PCNX2: variants seen among roughly 807,000 people sequenced by gnomAD.
The protein encoded by PCNX2 is pecanex 2.
A neutral mutation model predicts 223.8 loss-of-function variants in PCNX2; 168 were observed. The ratio of observed to expected loss-of-function variants is 0.75; its 90% CI spans 0.66 to 0.85. The LOEUF (loss-of-function observed/expected upper bound fraction) is 0.85, where lower values mean the gene tolerates loss of function less well. PCNX2 is among the 40% of genes least tolerant of loss of function. The probability of loss-of-function intolerance (pLI) is 0.00; values close to 1 mark genes in which losing one functional copy is unlikely to be tolerated. For synonymous variants in PCNX2, 1,006 were observed against 1,052.6 expected (o/e 0.96, Z 0.86); for missense variants, 2,507 against 2,675.5 (o/e 0.94, Z 1.39).
chr1:233,150,946 A>G (rs905168858), intron 19 of PCNX2, among the ~76,000 whole-genome samples: 3 of 152,198 alleles, frequency 2.0e-5, no homozygotes, highest in African/African-American at 7.2e-5. Context: ...CACATGAAAA[A>G]GGTTAGATCA....
intron 12 of PCNX2, among the ~76,000 whole-genome samples, chr1:233,214,673 T>C (rs1682016771): frequency 6.6e-6 from 1 of 152,204 alleles, no homozygotes; most frequent in Admixed American, 6.5e-5. Flanking sequence ...AGCAAATTAA[T>C]ATCTTCATTC....
intron 1 of PCNX2, among the ~76,000 whole-genome samples, chr1:233,284,203 A>G (rs1661331905): frequency 6.6e-6 from 1 of 152,224 alleles, no homozygotes; most frequent in South Asian, 2.1e-4. Context: ...TATATTAGAC[A>G]ATACCATCAT....
At chr1:233,088,262 C>T (rs541283129) in intron 23 of PCNX2, among the ~76,000 whole-genome samples, 2 of 152,254 alleles carry the variant, frequency 1.3e-5, no homozygotes, top group South Asian at 4.1e-4. Context: ...TTGAATCTTC[C>T]CATGCCAGAA....
intron 17 of PCNX2, chr1:233,168,011 G>T (rs1358642963): frequency 1.0e-5 from 2 of 193,332 alleles, no homozygotes; most frequent in Non-Finnish European, 1.9e-5. Context: ...CTGTGACTCT[G>T]TTAAATTACT....
intron 10 of PCNX2, among the ~76,000 whole-genome samples, chr1:233,226,738 C>G (rs1572110890): frequency 6.6e-6 from 1 of 152,162 alleles, no homozygotes; most frequent in Non-Finnish European, 1.5e-5. Context: ...ACATCAGATA[C>G]AAGTGAGCAA....
chr1:233,321,013 C>T, the PCNX2 span, among the ~76,000 whole-genome samples: 14 of 70,350 alleles, frequency 2.0e-4, no homozygotes, highest in Admixed American at 6.4e-4. Context: ...AAAATGTCTT[C>T]TTTTTTTTTT....
chr1:233,031,065 G>A (rs1010821445), intron 25 of PCNX2, among the ~76,000 whole-genome samples: 1 of 152,210 alleles, frequency 6.6e-6, no homozygotes, highest in African/African-American at 2.4e-5. Flanking sequence ...GGCAGAAAGT[G>A]GAGGCAGTAA....
intron 25 of PCNX2, chr1:233,033,004 C>T: frequency 1.0e-6 from 1 of 985,418 alleles, no homozygotes; most frequent in Non-Finnish European, 1.2e-6. Flanking sequence ...GGCCCATATT[C>T]TCAGGAAGAC....
chr1:233,117,576 G>A (rs534422291), intron 21 of PCNX2, among the ~76,000 whole-genome samples: 1 of 148,412 alleles, frequency 6.7e-6, no homozygotes, highest in Non-Finnish European at 1.5e-5. Flanking sequence ...ACTACAGCCT[G>A]GGCGACAGAG....
At chr1:233,207,017 AAAAGAAGAAG>A (rs1681510718) in intron 13 of PCNX2, among the ~76,000 whole-genome samples, 1 of 148,760 alleles carries the variant, frequency 6.7e-6, no homozygotes, top group African/African-American at 2.5e-5. Context: ...ACAAAAAAAA[AAAAGAAGAAG>A]AAGAAGAAGA....
intron 15 of PCNX2, among the ~76,000 whole-genome samples, chr1:233,190,926 G>A (rs1019154070): frequency 4.6e-5 from 7 of 152,180 alleles, no homozygotes; most frequent in African/African-American, 9.7e-5. Context: ...TGGGCAGCCC[G>A]AGGTACTACT....
chr1:233,276,308 G>T (rs1400756581), intron 1 of PCNX2, among the ~76,000 whole-genome samples: 1 of 152,140 alleles, frequency 6.6e-6, no homozygotes, highest in African/African-American at 2.4e-5. Context: ...GTGGTTGCCG[G>T]GGGCTTGGGG....
chr1:232,993,703 A>G (rs1310983779), intron 32 of PCNX2, among the ~76,000 whole-genome samples: 4 of 152,236 alleles, frequency 2.6e-5, no homozygotes, highest in African/African-American at 9.6e-5. Flanking sequence ...AGCCCCTCCC[A>G]TCACAGGCCT....
intron 17 of PCNX2, among the ~76,000 whole-genome samples, chr1:233,161,922 T>A (rs1484366514): frequency 6.7e-6 from 1 of 150,144 alleles, no homozygotes; most frequent in Non-Finnish European, 1.5e-5. Flanking sequence ...ACCAGTCAGA[T>A]CACTGGTGAA....
chr1:233,192,007 T>C lies in PCNX2; in HGVS notation c.3066+6932A>G, dbSNP rs539036990. 2.1e-4 allele frequency among the ~76,000 whole-genome samples: 32 copies of C among 152,318 alleles called. 1 individual carries two copies. The East Asian group carries it at 5.4e-3, about 26-fold the overall frequency. On this transcript the variant is annotated intron_variant, in intron 15 of 33. Transcript: ENST00000258229. ...AACTCCATCAATAAGACATTTTCCC[T>C]GGGAAAAATCATCTCTGAACTAGTA...
At position 233,259,211 on chromosome 1, in the gene PCNX2, T is replaced by C. The variant is rs929620867; in HGVS notation, c.651A>G (p.Pro217=). The C allele has an allele frequency of 1.1e-5, 17 of 1,613,954 alleles. No homozygotes were observed. The highest frequency in any genetic ancestry group is 1.4e-5 in the Non-Finnish European group (17 of 1,179,866). The change falls in exon 5 of 34, where the codon CCA becomes CCG. Residue 217 remains proline, a synonymous_variant. Transcript: ENST00000258229. ...CATTGATGAGAGTTTCTGTGGCAACTGGTTTTACAGGTATTACTGACTTGG... is the reference window on the plus strand; with the variant it reads ...CATTGATGAGAGTTTCTGTGGCAACCGGTTTTACAGGTATTACTGACTTGG... ...TTTKSVIPVK[P]VATETLINGK...
chr1:233,007,594 G>A (rs1194315999), intron 28 of PCNX2, among the ~76,000 whole-genome samples: 4 of 152,062 alleles, frequency 2.6e-5, no homozygotes, highest in Non-Finnish European at 5.9e-5. Context: ...CTGGAGTGCC[G>A]TGGCGTGATC....
intron 21 of PCNX2, among the ~76,000 whole-genome samples, chr1:233,121,436 C>T (rs534030919): frequency 1.6e-4 from 24 of 152,150 alleles, no homozygotes; most frequent in Non-Finnish European, 2.9e-4. Flanking sequence ...TATTTCAAAG[C>T]TCACTATAAA....
At chr1:233,309,517 G>A in the PCNX2 span, among the ~76,000 whole-genome samples, 1 of 146,946 alleles carries the variant, frequency 6.8e-6, no homozygotes, top group Non-Finnish European at 1.5e-5. Flanking sequence ...CTCCAGCCTG[G>A]GCAACAGAGT....
Sources: gnomAD v4.1 joint callset for allele counts (sites outside exome capture counted in the v4.1 genomes callset) on GRCh38, gnomAD v4.1.1 for gene constraint, MANE v1.5 for transcripts, NCBI Gene and HGNC (gene_info 2026-07-23, HGNC 2026-07-21) for gene names.